The following PTPRD variants were observed in gnomAD, a reference collection of about 807,000 sequenced individuals.
The protein encoded by PTPRD is receptor-type tyrosine-protein phosphatase delta.
A neutral mutation model predicts 214.5 loss-of-function variants in PTPRD; 34 were observed. The observed-to-expected ratio is 0.16, with a 90% CI of 0.12 to 0.21. The LOEUF (loss-of-function observed/expected upper bound fraction) is 0.21, where lower values mean the gene tolerates loss of function less well. Ranked by LOEUF, PTPRD falls within the 10% of genes least tolerant of loss-of-function variation. PTPRD has a pLI of 1.00. For missense variants in PTPRD, 2,545 were observed against 2,398.7 expected (o/e 1.06, Z -1.27); for synonymous variants, 1,128 against 845.7 (o/e 1.33, Z -5.79).
chr9:9,579,301 T>C (rs1259508601), intron 7 of PTPRD, among the ~76,000 whole-genome samples: 1 of 152,032 alleles, frequency 6.6e-6, no homozygotes, highest in Non-Finnish European at 1.5e-5. Flanking sequence ...TCTCATTTAA[T>C]CTCCATAGCA....
intron 11 of PTPRD, among the ~76,000 whole-genome samples, chr9:8,784,603 C>T (rs934885057): frequency 9.9e-5 from 15 of 151,930 alleles, no homozygotes; most frequent in African/African-American, 2.2e-4. Flanking sequence ...CTTTCCAATT[C>T]GGCAAAACTT....
chr9:10,570,587 T>C lies in PTPRD; in HGVS notation c.-600+41811A>G, dbSNP rs143072278. On this transcript the variant is annotated intron_variant, in intron 2 of 45. Transcript: ENST00000381196. ...ACACACATACACACACACACACACA[T>C]TCTCACACACAGTGGGATGGGAACC... 4.5e-3 allele frequency among the ~76,000 whole-genome samples: 691 copies of C among 151,884 alleles called. 4 individuals carry two copies. Among genetic ancestry groups the C allele is most frequent in the African/African-American group, 0.016 (645 of 41,452 alleles).
intron 4 of PTPRD, among the ~76,000 whole-genome samples, chr9:9,957,773 T>C (rs902808133): frequency 2.6e-5 from 4 of 152,058 alleles, no homozygotes; most frequent in African/African-American, 9.7e-5. Context: ...TGTCACAACC[T>C]GACTTCAAGA....
intron 22 of PTPRD, among the ~76,000 whole-genome samples, chr9:8,506,346 C>T (rs1024114197): frequency 6.6e-6 from 1 of 152,022 alleles, no homozygotes; most frequent in Non-Finnish European, 1.5e-5. Flanking sequence ...TCCTAATGTT[C>T]CCCATTGGAT....
At chr9:10,465,121 A>G (rs1213199935) in intron 2 of PTPRD, among the ~76,000 whole-genome samples, 1 of 152,154 alleles carries the variant, frequency 6.6e-6, no homozygotes, top group Non-Finnish European at 1.5e-5. Flanking sequence ...TATCAGATTA[A>G]TTCCCACTAA....
At chr9:8,858,633 C>T (rs1047952019) in intron 11 of PTPRD, among the ~76,000 whole-genome samples, 1 of 152,220 alleles carries the variant, frequency 6.6e-6, no homozygotes, top group Non-Finnish European at 1.5e-5. Flanking sequence ...ATTGTGTGTG[C>T]GCGTTGCCTG....
chr9:9,258,278 C>A (rs898807276), intron 9 of PTPRD, among the ~76,000 whole-genome samples: 1 of 151,914 alleles, frequency 6.6e-6, no homozygotes, highest in South Asian at 2.1e-4. Context: ...AACAGCTTGG[C>A]TTCCAGGCAA....
intron 8 of PTPRD, among the ~76,000 whole-genome samples, chr9:9,429,658 T>C (rs1045892859): frequency 2.0e-5 from 3 of 152,150 alleles, no homozygotes; most frequent in African/African-American, 7.2e-5. Flanking sequence ...CTCAATAACA[T>C]ACTGGCAAAC....
At chr9:8,414,479 GT>G (rs1032478556) in intron 35 of PTPRD, among the ~76,000 whole-genome samples, 1 of 152,104 alleles carries the variant, frequency 6.6e-6, no homozygotes, top group Non-Finnish European at 1.5e-5. Flanking sequence ...TAATACAATA[GT>G]TTTTTTCATT....
intron 2 of PTPRD, among the ~76,000 whole-genome samples, chr9:10,366,970 T>A (rs1011032755): frequency 9.2e-5 from 14 of 151,944 alleles, no homozygotes; most frequent in Admixed American, 1.3e-4. Context: ...ACCTGGGTGG[T>A]GAATACATGG....
intron 7 of PTPRD, among the ~76,000 whole-genome samples, chr9:9,718,569 G>T (rs1040834189): frequency 4.6e-5 from 7 of 152,216 alleles, no homozygotes; most frequent in African/African-American, 1.7e-4. Flanking sequence ...CAGAGACCCA[G>T]GAAGCCCCCT....
intron 2 of PTPRD, among the ~76,000 whole-genome samples, chr9:10,591,483 G>A (rs1346483204): frequency 6.6e-6 from 1 of 152,014 alleles, no homozygotes; most frequent in East Asian, 1.9e-4. Flanking sequence ...AGAATTCAAG[G>A]AGAGTTGTCA....
chr9:8,858,838 C>CACACAT (rs1262551613), intron 11 of PTPRD, among the ~76,000 whole-genome samples: 8 of 132,764 alleles, frequency 6.0e-5, no homozygotes, highest in African/African-American at 1.5e-4. Context: ...CATACACACA[C>CACACAT]ACAGACACAC....
chr9:8,637,612 AACTT>A (rs1336298454), intron 12 of PTPRD, among the ~76,000 whole-genome samples: 21 of 152,354 alleles, frequency 1.4e-4, no homozygotes, highest in Non-Finnish European at 2.1e-4. Flanking sequence ...TTCTTTAAAA[AACTT>A]ACTTATTTTT....
intron 11 of PTPRD, among the ~76,000 whole-genome samples, chr9:8,848,037 T>C (rs943257076): frequency 9.9e-5 from 15 of 152,234 alleles, no homozygotes; most frequent in African/African-American, 3.6e-4. Context: ...AATGGCAGCC[T>C]TTTTGATTTT....
intron 3 of PTPRD, among the ~76,000 whole-genome samples, chr9:10,089,599 G>C (rs2098404909): frequency 6.6e-6 from 1 of 151,602 alleles, no homozygotes; most frequent in Admixed American, 6.6e-5. Flanking sequence ...AGGTGATTAA[G>C]TATACCTGCA....
intron 3 of PTPRD, among the ~76,000 whole-genome samples, chr9:10,200,956 C>T (rs1317649677): frequency 1.3e-5 from 2 of 151,840 alleles, no homozygotes; most frequent in Non-Finnish European, 2.9e-5. Context: ...TCATTGGCAC[C>T]TAGAAATAAA....
chr9:10,057,971 G>A (rs384727), intron 3 of PTPRD, among the ~76,000 whole-genome samples: 18,534 of 152,094 alleles, frequency 0.12, 2,258 homozygotes, highest in African/African-American at 0.31. Flanking sequence ...TTTTGGAAAG[G>A]GAGAGTTTAT....
intron 10 of PTPRD, among the ~76,000 whole-genome samples, chr9:9,126,980 A>T (rs1403440273): frequency 1.3e-5 from 2 of 151,616 alleles, no homozygotes; most frequent in Non-Finnish European, 2.9e-5. Context: ...CGCAGAGCAC[A>T]TTCACACACA....
Sources: allele counts gnomAD v4.1 joint callset (sites outside exome capture counted in the v4.1 genomes callset), GRCh38; gene constraint gnomAD v4.1.1; transcripts MANE v1.5; gene names NCBI Gene and HGNC (gene_info 2026-07-23, HGNC 2026-07-21).